PCNX1: variants seen among roughly 807,000 people sequenced by gnomAD.
PCNX1 encodes pecanex-like protein 1.
A neutral mutation model predicts 242.2 loss-of-function variants in PCNX1; 78 were observed. The ratio of observed to expected loss-of-function variants is 0.32; its 90% CI spans 0.27 to 0.39. PCNX1 has a LOEUF of 0.39. PCNX1 is among the 10% of genes least tolerant of loss of function. PCNX1 has a pLI of 1.00. For missense variants in PCNX1, 2,581 were observed against 2,856.5 expected, an observed-to-expected ratio of 0.90 and a Z score of 2.20; for synonymous variants, 1,024 against 1,032.9, an observed-to-expected ratio of 0.99 and a Z score of 0.17.
At chr14:71,101,880 G>A (rs1275930478) in intron 30 of PCNX1, 110 bp from the exon 31 acceptor site, 15 of 567,434 alleles carry the variant, frequency 2.6e-5, no homozygotes, top group Non-Finnish European at 4.2e-5. Context: ...ATTAACATGT[G>A]TTGAAATATT....
At chr14:71,073,242 G>A (rs1336922445) in intron 26 of PCNX1, among the ~76,000 whole-genome samples, 1 of 152,200 alleles carries the variant, frequency 6.6e-6, no homozygotes, top group African/African-American at 2.4e-5. Flanking sequence ...AGGTTGCAGT[G>A]GGCTGAGATC....
chr14:70,973,921 C>T (rs1409010339), intron 5 of PCNX1, among the ~76,000 whole-genome samples: 2 of 151,948 alleles, frequency 1.3e-5, no homozygotes, highest in Non-Finnish European at 2.9e-5. Flanking sequence ...TATCTAAATC[C>T]AGAACATTTT....
Position 71,045,416 on chromosome 14 carries a change from C to T in PCNX1, c.4018+133C>T, listed in dbSNP as rs543990998. On this transcript the variant is annotated intron_variant, in intron 20 of 35. Coordinates refer to ENST00000304743, the MANE Select transcript of PCNX1 (RefSeq NM_014982.3). ...TGTTTCTTTTGCTTAAGTTTGAAGC[C>T]GTTAATGAATCTAGTCTCTTGCAGG... 9.9e-4 allele frequency: 644 copies of T among 651,510 alleles called. 6 individuals carry two copies. In the South Asian group the frequency reaches 0.011, roughly 11 times the overall value. 40.4% of individuals were successfully genotyped at this position (651,510 alleles called of 1,614,324 possible).
chr14:71,075,978 T>C (rs1344222043), intron 27 of PCNX1, among the ~76,000 whole-genome samples: 6 of 152,082 alleles, frequency 3.9e-5, no homozygotes, highest in African/African-American at 1.4e-4. Flanking sequence ...TAGATGTTTT[T>C]TCATCCAGTA....
chr14:70,924,022 G>C (rs917832551), intron 1 of PCNX1, among the ~76,000 whole-genome samples: 19 of 152,040 alleles, frequency 1.2e-4, no homozygotes, highest in Admixed American at 1.2e-3. Context: ...CTTGAGTCCA[G>C]GAGTTCGAGA....
At chr14:70,950,974 A>G (rs2057754018) in intron 2 of PCNX1, among the ~76,000 whole-genome samples, 1 of 152,040 alleles carries the variant, frequency 6.6e-6, no homozygotes, top group Non-Finnish European at 1.5e-5. Flanking sequence ...TGCTTTTGAT[A>G]ACGTTTTCTA....
chr14:70,909,683 G>C (rs1821527329), intron 1 of PCNX1, among the ~76,000 whole-genome samples: 1 of 152,106 alleles, frequency 6.6e-6, no homozygotes, highest in African/African-American at 2.4e-5. Flanking sequence ...TAGAGCAAAT[G>C]GAAACCAGGA....
rs551420678 is a variant in PCNX1, at chr14:70,980,025, C to T, written c.2311+1377C>T. On this transcript the variant is annotated intron_variant, in intron 6 of 35. Coordinates refer to ENST00000304743, the MANE Select transcript of PCNX1 (RefSeq NM_014982.3). ...TAGTGATTTCTCACACAAATCATAT[C>T]AGATATGTTCACAGTATGCAAGAAA... Among the ~76,000 whole-genome samples the T allele has an allele frequency of 2.7e-5, 4 of 148,956 alleles. 1 individual carries two copies. The highest frequency in any genetic ancestry group is 9.9e-5 in the African/African-American group (4 of 40,472).
Position 70,907,476 on chromosome 14 carries a change from C to G in PCNX1, c.-375C>G, listed in dbSNP as rs1298701302. Reference sequence around the variant, plus strand: ...CGCCGGGCCTCTTTCTCTGCCTGGCCCAGGGCTGGCGGCCGGCGGGGGTCG... The same window carrying G: ...CGCCGGGCCTCTTTCTCTGCCTGGCGCAGGGCTGGCGGCCGGCGGGGGTCG... On this transcript the variant is annotated 5_prime_UTR_variant, in exon 1 of 36. Coordinates refer to ENST00000304743, the MANE Select transcript of PCNX1 (RefSeq NM_014982.3). 5 of 152,454 alleles carry G rather than the reference C, an allele frequency of 3.3e-5. No individual in the cohort carries two copies. Among genetic ancestry groups the G allele is most frequent in the Admixed American group, 2.6e-4 (4 of 15,176 alleles). 9.4% of individuals were successfully genotyped at this position (152,454 alleles called of 1,614,324 possible).
intron 7 of PCNX1, among the ~76,000 whole-genome samples, chr14:70,993,683 C>G (rs1383733386): frequency 6.6e-6 from 1 of 151,886 alleles, no homozygotes; most frequent in Non-Finnish European, 1.5e-5. Flanking sequence ...CTTATGATGT[C>G]AAGTGAAAAA....
At chr14:71,018,938 C>A in intron 11 of PCNX1, 71 bp from the exon 12 acceptor site, 1 of 1,297,358 alleles carries the variant, frequency 7.7e-7, no homozygotes, top group Non-Finnish European at 1.1e-6. Context: ...TATGTCTTCC[C>A]TTCCCTTTTT....
At chr14:71,051,826 T>A (rs572862086) in intron 23 of PCNX1, 57 bp from the exon 24 acceptor site, 2 of 1,563,728 alleles carry the variant, frequency 1.3e-6, no homozygotes, top group African/African-American at 1.4e-5. Context: ...TTTGCGAGGG[T>A]TTGTTTGGCA....
chr14:70,947,473 T>C (rs1201839452), intron 2 of PCNX1, among the ~76,000 whole-genome samples: 3 of 152,230 alleles, frequency 2.0e-5, no homozygotes, highest in Non-Finnish European at 2.9e-5. Flanking sequence ...AATTAATACT[T>C]TTATAATTTC....
At chr14:71,100,384 G>A (rs1382174594) in intron 30 of PCNX1, among the ~76,000 whole-genome samples, 8 of 152,078 alleles carry the variant, frequency 5.3e-5, no homozygotes, top group Non-Finnish European at 1.2e-4. Flanking sequence ...TGAAATTCTT[G>A]GTTGGAATTT....
chr14:70,956,556 C>T (rs2058002247), intron 2 of PCNX1, among the ~76,000 whole-genome samples: 1 of 151,976 alleles, frequency 6.6e-6, no homozygotes, highest in South Asian at 2.1e-4. Context: ...AAGACCCTGT[C>T]TCTTAAAAAA....
intron 1 of PCNX1, among the ~76,000 whole-genome samples, chr14:70,923,738 A>G (rs1323274384): frequency 1.3e-5 from 2 of 152,204 alleles, no homozygotes; most frequent in Non-Finnish European, 2.9e-5. Flanking sequence ...TTAATAGTGA[A>G]TAGTATTCCA....
intron 12 of PCNX1, among the ~76,000 whole-genome samples, chr14:71,019,684 G>T (rs1327343481): frequency 6.6e-6 from 1 of 152,082 alleles, no homozygotes; most frequent in Non-Finnish European, 1.5e-5. Flanking sequence ...ACAGGCATGA[G>T]CCACTGCGCC....
chr14:71,080,666 C>T (rs1171941199), intron 28 of PCNX1, among the ~76,000 whole-genome samples: 1 of 151,756 alleles, frequency 6.6e-6, no homozygotes, highest in Non-Finnish European at 1.5e-5. Context: ...TGATTTGGCC[C>T]TCTGTCTGTT....
At chr14:71,038,795 C>A (rs374392157) in intron 19 of PCNX1, among the ~76,000 whole-genome samples, 16 of 151,730 alleles carry the variant, frequency 1.1e-4, no homozygotes, top group Admixed American at 3.3e-4. Flanking sequence ...TGGCATTATT[C>A]ACAATAGCAA....
Sources: gnomAD v4.1 joint callset for allele counts (sites outside exome capture counted in the v4.1 genomes callset) on GRCh38, gnomAD v4.1.1 for gene constraint, MANE v1.5 for transcripts, NCBI Gene and HGNC (gene_info 2026-07-23, HGNC 2026-07-21) for gene names.